The following MANBA variants were observed in gnomAD, a reference collection of about 807,000 sequenced individuals.
The protein encoded by MANBA is beta-mannosidase.
A neutral mutation model predicts 111.1 loss-of-function variants in MANBA; 83 were observed. That is an observed-to-expected ratio of 0.75 (90% CI 0.63 to 0.90). The LOEUF (loss-of-function observed/expected upper bound fraction) is 0.90. Ranked by LOEUF, MANBA falls within the 40% of genes least tolerant of loss-of-function variation. The pLI, the probability that MANBA is intolerant of heterozygous loss-of-function variation, is 0.00. For missense variants in MANBA, 1,036 were observed against 1,069.0 expected (o/e 0.97, Z 0.43); for synonymous variants, 370 against 378.7 (o/e 0.98, Z 0.27).
At chr4:102,677,228 G>A (rs79138733) in intron 7 of MANBA, among the ~76,000 whole-genome samples, 4,851 of 152,250 alleles carry the variant, frequency 0.032, 104 homozygotes, top group Non-Finnish European at 0.045. Flanking sequence ...AATGAATGGA[G>A]TGAGCCTATC....
intron 7 of MANBA, among the ~76,000 whole-genome samples, chr4:102,682,150 A>AT (rs1390534355): frequency 6.6e-6 from 1 of 150,586 alleles, no homozygotes; most frequent in Non-Finnish European, 1.5e-5. Context: ...CTGTCTCAAA[A>AT]AAAAAAAAAA....
chr4:102,733,232 T>C (rs1029292308), intron 1 of MANBA, among the ~76,000 whole-genome samples: 2 of 152,220 alleles, frequency 1.3e-5, no homozygotes, highest in South Asian at 2.1e-4. Context: ...CAGTCACTCA[T>C]GCTAAGTACC....
At chr4:102,738,796 G>A (rs1275210167) in intron 1 of MANBA, among the ~76,000 whole-genome samples, 2 of 152,012 alleles carry the variant, frequency 1.3e-5, no homozygotes, top group African/African-American at 2.4e-5. Flanking sequence ...GTTGATTATC[G>A]GGTTACTCAA....
At chr4:102,634,032 A>T (rs948256178) in intron 16 of MANBA, among the ~76,000 whole-genome samples, 3 of 152,200 alleles carry the variant, frequency 2.0e-5, no homozygotes, top group Non-Finnish European at 2.9e-5. Context: ...AGAGAATGTA[A>T]CTTTCTAGAA....
intron 1 of MANBA, chr4:102,730,683 T>C (rs1723000021): frequency 3.7e-6 from 2 of 537,530 alleles, no homozygotes. Context: ...TCCGGGCTTG[T>C]AATACCTTCA....
At chr4:102,673,827 C>T (rs1731603962) in intron 8 of MANBA, 92 bp downstream of exon 8, 1 of 1,222,136 alleles carries the variant, frequency 8.2e-7, no homozygotes, top group Admixed American at 1.7e-5. Flanking sequence ...AGTTCCTTGC[C>T]CAGAGACTAA....
chr4:102,671,485 A>T, intron 8 of MANBA, 87 bp from the exon 9 acceptor site: 1 of 783,600 alleles, frequency 1.3e-6, no homozygotes. Flanking sequence ...CTGTTAGAAA[A>T]ACACACTCTA....
chr4:102,722,977 A>G lies in MANBA; in HGVS notation c.443T>C (p.Val148Ala), dbSNP rs1197058224. Reference sequence around the variant, plus strand: ...TTTGCTCTGCTGTGCTGCATACAACACCGCTGACTGGAAACGCAGCTCAAT... The same window carrying G: ...TTTGCTCTGCTGTGCTGCATACAACGCCGCTGACTGGAAACGCAGCTCAAT... ...NSIELRFQSA[V>A]LYAAQQSKAH... is the part of the protein sequence containing the mutation. The change falls in exon 4 of 17, where the codon GTG (valine) becomes GCG (alanine). Residue 148 changes from valine (V) to alanine (A), a missense_variant. Transcript: ENST00000647097. 4 of 1,614,084 alleles carry G rather than the reference A, an allele frequency of 2.5e-6. No individual in the cohort carries two copies. The South Asian group carries it at 4.4e-5, about 18-fold the overall frequency.
intron 7 of MANBA, among the ~76,000 whole-genome samples, chr4:102,678,135 T>C (rs1731805709): frequency 6.6e-6 from 1 of 152,196 alleles, no homozygotes; most frequent in Non-Finnish European, 1.5e-5. Context: ...CATAACACTT[T>C]CCAGAATATT....
chr4:102,697,720 G>C (rs1164712693), intron 5 of MANBA, among the ~76,000 whole-genome samples: 1 of 150,340 alleles, frequency 6.7e-6, no homozygotes. Context: ...GTATTCCATG[G>C]TGTATATGTG....
chr4:102,729,619 T>TA, intron 1 of MANBA: 1 of 994,152 alleles, frequency 1.0e-6, no homozygotes, highest in East Asian at 2.4e-5. Flanking sequence ...TCTGTACACT[T>TA]ATTGATCTCA....
At chr4:102,754,566 T>C (rs536190817) in intron 1 of MANBA, among the ~76,000 whole-genome samples, 11 of 152,070 alleles carry the variant, frequency 7.2e-5, no homozygotes, top group Admixed American at 5.9e-4. Context: ...TTTATTTATT[T>C]TTTTTTTTGA....
At chr4:102,704,394 T>G (rs1473838679) in intron 5 of MANBA, among the ~76,000 whole-genome samples, 1 of 152,144 alleles carries the variant, frequency 6.6e-6, no homozygotes, top group African/African-American at 2.4e-5. Flanking sequence ...GGTTCAAACT[T>G]CTGGCCTCAA....
chr4:102,719,512 C>A (rs772499482), intron 4 of MANBA, among the ~76,000 whole-genome samples: 1 of 152,108 alleles, frequency 6.6e-6, no homozygotes, highest in Non-Finnish European at 1.5e-5. Context: ...GATGTACAGT[C>A]TCAGTTTATG....
chr4:102,717,111 T>A (rs1035410042), intron 4 of MANBA, among the ~76,000 whole-genome samples: 5 of 152,096 alleles, frequency 3.3e-5, no homozygotes, highest in African/African-American at 1.2e-4. Flanking sequence ...AGGGAGACTA[T>A]TTTCCCCATT....
intron 1 of MANBA, chr4:102,751,319 T>C: frequency 2.9e-6 from 1 of 344,474 alleles, no homozygotes; most frequent in Non-Finnish European, 5.7e-6. Flanking sequence ...CAGTCTAATT[T>C]TGAGCGGCCT....
At chr4:102,730,210 T>C (rs566864834) in intron 1 of MANBA, 228 of 624,532 alleles carry the variant, frequency 3.7e-4, no homozygotes, top group Non-Finnish European at 5.9e-4. Flanking sequence ...CCGAACCAGA[T>C]AGAGATCCCA....
intron 7 of MANBA, among the ~76,000 whole-genome samples, chr4:102,689,347 T>TAA (rs1732363468): frequency 1.4e-5 from 1 of 71,148 alleles, no homozygotes; most frequent in African/African-American, 5.2e-5. Context: ...AGACTCTGTC[T>TAA]CAAAAAAAAA....
chr4:102,635,804 A>T, intron 15 of MANBA, 61 bp downstream of exon 15: 1 of 1,513,766 alleles, frequency 6.6e-7, no homozygotes, highest in Non-Finnish European at 9.2e-7. Context: ...ATGTAACCAA[A>T]CAACTAAAGA....
Sources: allele counts gnomAD v4.1 joint callset (sites outside exome capture counted in the v4.1 genomes callset), GRCh38; gene constraint gnomAD v4.1.1; transcripts MANE v1.5; gene names NCBI Gene and HGNC (gene_info 2026-07-23, HGNC 2026-07-21).